EXOC4: variants seen among roughly 807,000 people sequenced by gnomAD.
EXOC4 encodes the protein SEC8-like 1.
A neutral mutation model predicts 107.2 loss-of-function variants in EXOC4; 71 were observed. That is an observed-to-expected ratio of 0.66 (90% CI 0.55 to 0.81). The LOEUF (loss-of-function observed/expected upper bound fraction) is 0.81. Among genes scored for constraint, EXOC4 ranks in the 30% least tolerant of loss-of-function variants. EXOC4 has a pLI of 0.00. For synonymous variants in EXOC4, 456 were observed against 441.2 expected (o/e 1.03, Z -0.42); for missense variants, 1,108 against 1,189.6 (o/e 0.93, Z 1.01).
chr7:133,990,832 G>T (rs998241954), intron 14 of EXOC4, among the ~76,000 whole-genome samples: 3 of 152,116 alleles, frequency 2.0e-5, no homozygotes, highest in African/African-American at 7.2e-5. Context: ...TCATGAATTG[G>T]TGGATATTTA....
At chr7:133,823,866 TA>T (rs1350221500) in intron 11 of EXOC4, among the ~76,000 whole-genome samples, 230 of 21,220 alleles carry the variant, frequency 0.011, 9 homozygotes, top group South Asian at 0.031. Flanking sequence ...TATATATATA[TA>T]TATATTATAT....
At chr7:133,943,826 G>A (rs185565124) in intron 14 of EXOC4, among the ~76,000 whole-genome samples, 159 of 152,084 alleles carry the variant, frequency 1.0e-3, no homozygotes, top group African/African-American at 3.3e-3. Flanking sequence ...TTCCCTTTCC[G>A]CCTGTTTCAG....
intron 9 of EXOC4, among the ~76,000 whole-genome samples, chr7:133,555,243 A>G (rs1800669441): frequency 6.6e-6 from 1 of 152,204 alleles, no homozygotes; most frequent in Non-Finnish European, 1.5e-5. Context: ...GAAGATGGTA[A>G]TATGTTAGCG....
chr7:133,392,610 C>CT (rs1478766582), intron 7 of EXOC4, among the ~76,000 whole-genome samples: 4 of 152,132 alleles, frequency 2.6e-5, no homozygotes, highest in Admixed American at 2.6e-4. Context: ...ATTTAGCAGA[C>CT]TAGGAGACCA....
At position 133,272,670 on chromosome 7, in the gene EXOC4, A is replaced by G. The variant is rs148445932; in HGVS notation, c.87-2312A>G. ...TCACTAAAGACAAAATATTCATCCTAGTTTACATCAAGAGGATACATTTTA... is the reference window on the plus strand; with the variant it reads ...TCACTAAAGACAAAATATTCATCCTGGTTTACATCAAGAGGATACATTTTA... On this transcript the variant is annotated intron_variant, in intron 1 of 17. Coordinates refer to ENST00000253861, the MANE Select transcript of EXOC4 (RefSeq NM_021807.4). Among the ~76,000 whole-genome samples, 1,274 of 152,226 alleles carry G rather than the reference A, an allele frequency of 8.4e-3. 12 individuals carry two copies. Among genetic ancestry groups the G allele is most frequent in the African/African-American group, 0.029 (1,190 of 41,526 alleles).
chr7:133,468,513 T>C (rs1479354102), intron 7 of EXOC4, among the ~76,000 whole-genome samples: 1 of 152,194 alleles, frequency 6.6e-6, no homozygotes, highest in Non-Finnish European at 1.5e-5. Context: ...AAAAATATCA[T>C]TATATTATTT....
rs372151759 is a variant in EXOC4 at position 133,605,075 on chromosome 7, T to C, written c.1418-24970T>C. Among the ~76,000 whole-genome samples the C allele has an allele frequency of 2.6e-5, 4 of 152,200 alleles. No individual in the cohort carries two copies. In the East Asian group the frequency reaches 7.7e-4, roughly 29 times the overall value. ...AATGGACTTCTGGCCTAACCTCTTC[T>C]TGTCTTTCATAGGTTGTTAGGTATT... On this transcript the variant is annotated intron_variant, in intron 9 of 17. Transcript: ENST00000253861.
rs1213943997 is a variant in EXOC4 at position 134,007,808 on chromosome 7, C to T, written c.2660C>T (p.Ser887Leu). Reference sequence around the variant, plus strand: ...CAGAATTTGACCAACATCACCATGTCGCGGGAGGCAGACCTGGACTTTGCA... The same window carrying T: ...CAGAATTTGACCAACATCACCATGTTGCGGGAGGCAGACCTGGACTTTGCA... ...LQQNLTNITM[S>L]READLDFARQ... is the part of the protein sequence containing the mutation. Residue 887 changes from serine to leucine, a missense_variant, in exon 17 of 18, where the codon TCG becomes TTG. Physicochemically the swap from Ser to Leu is moderately radical, Grantham distance 145. Coordinates refer to ENST00000253861, the MANE Select transcript of EXOC4 (RefSeq NM_021807.4). The T allele has an allele frequency of 2.5e-6, 4 of 1,613,290 alleles. No homozygotes were observed. The highest frequency in any genetic ancestry group is 3.4e-6 in the Non-Finnish European group (4 of 1,179,558).
chr7:133,464,128 C>G (rs977884252), intron 7 of EXOC4, among the ~76,000 whole-genome samples: 1 of 152,020 alleles, frequency 6.6e-6, no homozygotes, highest in African/African-American at 2.4e-5. Flanking sequence ...ATTTTGTATG[C>G]GTTATTAAAA....
intron 13 of EXOC4, among the ~76,000 whole-genome samples, chr7:133,923,161 G>A (rs10251286): frequency 1.5e-5 from 2 of 135,562 alleles, no homozygotes; most frequent in African/African-American, 2.9e-5. Context: ...ACAGAGTTTC[G>A]CCCTTCGCCC....
intron 9 of EXOC4, among the ~76,000 whole-genome samples, chr7:133,526,143 T>C (rs974218576): frequency 6.6e-6 from 1 of 152,210 alleles, no homozygotes; most frequent in Non-Finnish European, 1.5e-5. Flanking sequence ...ATTTTCTTTT[T>C]CCCAGATAAT....
At chr7:133,755,207 T>C (rs1185116291) in intron 10 of EXOC4, among the ~76,000 whole-genome samples, 1 of 133,992 alleles carries the variant, frequency 7.5e-6, no homozygotes, top group Non-Finnish European at 1.6e-5. Context: ...CATTTGTTTA[T>C]ATATGTGTGT....
intron 10 of EXOC4, among the ~76,000 whole-genome samples, chr7:133,675,178 G>C (rs1305449538): frequency 6.6e-6 from 1 of 152,074 alleles, no homozygotes; most frequent in Non-Finnish European, 1.5e-5. Flanking sequence ...ATGGTAGGGG[G>C]CAGGGGATTG....
chr7:133,967,745 C>A (rs1000072486), intron 14 of EXOC4, among the ~76,000 whole-genome samples: 2 of 152,086 alleles, frequency 1.3e-5, no homozygotes, highest in Non-Finnish European at 2.9e-5. Flanking sequence ...GTTTTACTTC[C>A]AATTATGTGG....
intron 10 of EXOC4, among the ~76,000 whole-genome samples, chr7:133,739,558 AG>A (rs1585114231): frequency 6.6e-6 from 1 of 152,190 alleles, no homozygotes; most frequent in East Asian, 1.9e-4. Flanking sequence ...GTGAAGCAGA[AG>A]GGGGATCCAG....
At chr7:133,612,298 T>C (rs1802090078) in intron 9 of EXOC4, among the ~76,000 whole-genome samples, 1 of 152,230 alleles carries the variant, frequency 6.6e-6, no homozygotes, top group Non-Finnish European at 1.5e-5. Flanking sequence ...TTACTCTTAC[T>C]TGCTGGTATA....
Position 133,379,656 on chromosome 7 carries a change from AC to A in EXOC4, c.1182+4663del, listed in dbSNP as rs552288600. Among the ~76,000 whole-genome samples, 1,028 of 126,134 alleles carry A rather than the reference AC, an allele frequency of 8.2e-3. 5 individuals carry two copies. The highest frequency in any genetic ancestry group is 0.012 in the Middle Eastern group (3 of 260). The allele number at this position is 126,134 out of a possible 152,430, so 82.7% of individuals were successfully genotyped here. The stretch of plus-strand genomic sequence containing the variant: ...AATACTTTGTGAATAAGTTTTTATG[AC>A]CCCCCCCCATCTTTGGCTTTTACTT... On this transcript the variant is annotated intron_variant, in intron 7 of 17. Coordinates refer to ENST00000253861, the MANE Select transcript of EXOC4 (RefSeq NM_021807.4).
intron 4 of EXOC4, chr7:133,315,187 G>T (rs1196417748): frequency 6.6e-6 from 1 of 152,452 alleles, no homozygotes; most frequent in East Asian, 1.9e-4. Flanking sequence ...GATCACACTT[G>T]CTCACAACAA....
At chr7:134,067,656 C>CACACAA (rs1796206082), downstream of EXOC4, among the ~76,000 whole-genome samples, 1 of 19,100 alleles carries the variant, frequency 5.2e-5, no homozygotes, top group African/African-American at 3.5e-4. Flanking sequence ...CACACACACA[C>CACACAA]ACACACACAC....
Sources: gnomAD v4.1 joint callset for allele counts (sites outside exome capture counted in the v4.1 genomes callset) on GRCh38, gnomAD v4.1.1 for gene constraint, MANE v1.5 for transcripts, NCBI Gene and HGNC (gene_info 2026-07-23, HGNC 2026-07-21) for gene names.